The following RFT1 variants were observed in gnomAD, a reference collection of about 807,000 sequenced individuals.
RFT1 encodes the protein RFT1 glycolipid translocator homolog, also known as man(5)GlcNAc(2)-PP-dolichol translocation protein RFT1.
RFT1 carries 43 observed loss-of-function variants against 62.2 expected under a neutral mutation model. The observed-to-expected ratio is 0.69, with a 90% CI of 0.54 to 0.89. The LOEUF (loss-of-function observed/expected upper bound fraction) is 0.89, where lower values mean the gene tolerates loss of function less well. Ranked by LOEUF, RFT1 falls within the 40% of genes least tolerant of loss-of-function variation. The pLI is 0.00. For missense variants in RFT1, 605 were observed against 649.9 expected (o/e 0.93, Z 0.75); for synonymous variants, 262 against 264.6 (o/e 0.99, Z 0.10).
chr3:53,121,659 A>G lies in RFT1; in HGVS notation c.558+40T>C, dbSNP rs1701971143. 4 of 1,490,388 alleles carry G rather than the reference A, an allele frequency of 2.7e-6. No homozygotes were observed. In the South Asian group the frequency reaches 4.6e-5, roughly 17 times the overall value. 92.3% of individuals were successfully genotyped at this position (1,490,388 alleles called of 1,614,324 possible). ...AACAAGAAGAAAAACCAGTTGGAGA[A>G]ACAAAGATCATATAAAAAGTTAAAA... On this transcript the variant is annotated intron_variant, in intron 5 of 12. Transcript: ENST00000296292.
chr3:53,081,338 G>C, the RFT1 span, among the ~76,000 whole-genome samples: 1 of 152,224 alleles, frequency 6.6e-6, no homozygotes, highest in Non-Finnish European at 1.5e-5. Flanking sequence ...TGGATCATTA[G>C]GGGTGAGGGT....
At chr3:53,121,838 A>G (rs1473460989) in intron 4 of RFT1, 38 bp from the exon 5 acceptor site, 1 of 1,529,818 alleles carries the variant, frequency 6.5e-7, no homozygotes, top group East Asian at 2.3e-5. Context: ...TACAAACATC[A>G]TCAAAAAGTC....
chr3:53,100,657 T>C (rs1378020247), intron 10 of RFT1, among the ~76,000 whole-genome samples: 2 of 152,214 alleles, frequency 1.3e-5, no homozygotes. Flanking sequence ...GAAGGAAATA[T>C]GCCAAATGCA....
At chr3:53,086,655 T>C (rs1647587313), downstream of RFT1, among the ~76,000 whole-genome samples, 1 of 152,156 alleles carries the variant, frequency 6.6e-6, no homozygotes, top group Non-Finnish European at 1.5e-5. Flanking sequence ...TCATTGTCTT[T>C]GAGAAATTTC....
Position 53,122,419 on chromosome 3 carries a change from C to A in RFT1, c.411G>T (p.Glu137Asp). ...GLSAVVELLGEPFWVLAQAHM... is the reference protein window; with the variant it reads ...GLSAVVELLGDPFWVLAQAHM... ...GTGCTTGTGCCAAGACCCAAAAGGGCTCTCCTAGAAGCTCCACCACTGCCG... is the reference window on the plus strand; with the variant it reads ...GTGCTTGTGCCAAGACCCAAAAGGGATCTCCTAGAAGCTCCACCACTGCCG... Residue 137 changes from glutamate (E) to aspartate (D), a missense_variant, in exon 4 of 13, where the codon GAG (glutamate) becomes GAT (aspartate). Physicochemically the swap from Glu to Asp is conservative, Grantham distance 45. Transcript: ENST00000296292. The A allele has an allele frequency of 6.2e-7, 1 of 1,614,006 alleles. No homozygotes were observed. Among genetic ancestry groups the A allele is most frequent in the Non-Finnish European group, 8.5e-7 (1 of 1,180,000 alleles).
intron 12 of RFT1, 147 bp downstream of exon 12, chr3:53,092,222 A>T (rs1015755879): frequency 2.1e-6 from 3 of 1,419,188 alleles, no homozygotes; most frequent in Non-Finnish European, 2.9e-6. Flanking sequence ...CATTGGCAAC[A>T]TTCTCTTGTC....
Position 53,121,728 on chromosome 3 carries a change from A to G in RFT1, c.529T>C (p.Trp177Arg), listed in dbSNP as rs1410236675. The G allele has an allele frequency of 6.2e-7, 1 of 1,614,058 alleles. No homozygotes were observed. Among genetic ancestry groups the G allele is most frequent in the Admixed American group, 1.7e-5 (1 of 60,012 alleles). ...TAFLVLWLPH[W>R]GLYIFSLAQL... ...GCCAAAGAGAAAATGTACAATCCCC[A>G]GTGAGGCAACCACAGCACGAGAAAA... The change falls in exon 5 of 13, where the codon TGG (tryptophan) becomes CGG (arginine). Residue 177 changes from tryptophan (W) to arginine (R), a missense_variant. Trp to Arg is a moderately radical substitution (Grantham distance 101). Transcript: ENST00000296292.
chr3:53,070,783 TC>T, the RFT1 span, among the ~76,000 whole-genome samples: 1 of 149,774 alleles, frequency 6.7e-6, no homozygotes, highest in African/African-American at 2.4e-5. Context: ...ACACCTGTAA[TC>T]CCAGCACTTT....
Position 53,091,462 on chromosome 3 carries a change from G to T in RFT1, c.*441C>A, listed in dbSNP as rs1700985095. ...TCCATGTGGTGCATGAGAGAGAGAGGTTTCTCTCTCTCTTTTACAGAAGAA... is the reference window on the plus strand; with the variant it reads ...TCCATGTGGTGCATGAGAGAGAGAGTTTTCTCTCTCTCTTTTACAGAAGAA... On this transcript the variant is annotated 3_prime_UTR_variant, in exon 13 of 13. Coordinates refer to ENST00000296292, the MANE Select transcript of RFT1 (RefSeq NM_052859.4). The T allele has an allele frequency of 4.8e-6, 1 of 207,258 alleles. No individual in the cohort carries two copies. The highest frequency in any genetic ancestry group is 7.8e-5 in the South Asian group (1 of 12,840). 12.8% of individuals were successfully genotyped at this position (207,258 alleles called of 1,614,324 possible).
chr3:53,126,090 T>TTACATCACATTA, intron 1 of RFT1, 96 bp from the exon 2 acceptor site: 2 of 973,314 alleles, frequency 2.1e-6, no homozygotes, highest in Non-Finnish European at 3.2e-6. Flanking sequence ...CCTAATGTGA[T>TTACATCACATTA]GTAATGACAT....
the RFT1 span, among the ~76,000 whole-genome samples, chr3:53,080,166 A>G: frequency 6.6e-6 from 1 of 152,248 alleles, no homozygotes; most frequent in Non-Finnish European, 1.5e-5. Context: ...TGGGAAATAT[A>G]AACAACTAGC....
rs1078968 is a variant in RFT1, at chr3:53,089,470, G to A, written c.*2433C>T. 73,705 of 152,030 alleles carry A rather than the reference G, an allele frequency of 0.48. 19,749 individuals are homozygous for A. Among genetic ancestry groups the A allele is most frequent in the East Asian group, 0.73 (3,753 of 5,160 alleles). The allele number at this position is 152,030 out of a possible 1,614,324, so 9.4% of individuals were successfully genotyped here. ...ATTGAAAGCCAAAAGTATGATTTCTGCTCCCCAAATCCACTTGGGTAAAGT... is the reference window on the plus strand; with the variant it reads ...ATTGAAAGCCAAAAGTATGATTTCTACTCCCCAAATCCACTTGGGTAAAGT... On this transcript the variant is annotated 3_prime_UTR_variant, in exon 13 of 13. Transcript: ENST00000296292.
intron 3 of RFT1, among the ~76,000 whole-genome samples, 180 bp downstream of exon 3, chr3:53,123,544 G>A (rs114139529): frequency 0.011 from 1,601 of 152,316 alleles, 16 homozygotes; most frequent in Middle Eastern, 0.024. Flanking sequence ...GAGAGAAAAT[G>A]AGCCAAGAAG....
downstream of RFT1, among the ~76,000 whole-genome samples, chr3:53,086,358 C>T (rs1700854343): frequency 2.0e-5 from 3 of 152,256 alleles, no homozygotes; most frequent in South Asian, 6.2e-4. Flanking sequence ...CTCTGTCACC[C>T]AGGCTGGAGT....
chr3:53,084,877 C>T (rs1029679958), downstream of RFT1, among the ~76,000 whole-genome samples: 9 of 152,202 alleles, frequency 5.9e-5, no homozygotes, highest in Non-Finnish European at 1.2e-4. Flanking sequence ...GTCACGGGTC[C>T]CCATGCAGCT....
Position 53,103,044 on chromosome 3 carries a change from G to A in RFT1, c.1102+909C>T, listed in dbSNP as rs1215801557. The A allele has an allele frequency of 9.8e-6, 9 of 923,042 alleles. No individual in the cohort carries two copies. The African/African-American group carries it at 1.4e-4, about 15-fold the overall frequency. 57.2% of individuals were successfully genotyped at this position (923,042 alleles called of 1,614,324 possible). ...CTTCTCACAGCACAAGCCCCAGGGA[G>A]CTGCAAACCACTTCACTGGTTTCAC... On this transcript the variant is annotated intron_variant, in intron 10 of 12. Coordinates refer to ENST00000296292, the MANE Select transcript of RFT1 (RefSeq NM_052859.4).
intron 10 of RFT1, chr3:53,103,612 G>A (rs540638709): frequency 2.0e-4 from 72 of 365,578 alleles, no homozygotes; most frequent in South Asian, 1.3e-3. Flanking sequence ...ACTCATTACC[G>A]TCTGCCCTCT....
intron 4 of RFT1, among the ~76,000 whole-genome samples, chr3:53,122,007 T>C (rs995756313): frequency 2.6e-5 from 4 of 152,174 alleles, no homozygotes; most frequent in Admixed American, 6.5e-5. Flanking sequence ...AAGATTTACA[T>C]TAAATATATA....
At chr3:53,067,050 G>GGGC in the RFT1 span, among the ~76,000 whole-genome samples, 4 of 152,342 alleles carry the variant, frequency 2.6e-5, no homozygotes, top group South Asian at 8.3e-4. Flanking sequence ...TATATTGGCT[G>GGGC]GGCGCAGTGG....
Sources: allele counts gnomAD v4.1 joint callset (sites outside exome capture counted in the v4.1 genomes callset), GRCh38; gene constraint gnomAD v4.1.1; transcripts MANE v1.5; gene names NCBI Gene and HGNC (gene_info 2026-07-23, HGNC 2026-07-21).